The following ASL variants were observed in gnomAD, a reference collection of about 807,000 sequenced individuals.
ASL encodes argininosuccinate lyase, also known as argininosuccinase.
ASL carries 51 observed loss-of-function variants against 69.1 expected under a neutral mutation model. That is an observed-to-expected ratio of 0.74 (90% CI 0.59 to 0.93). ASL has a LOEUF of 0.93. ASL is among the 40% of genes least tolerant of loss of function. The pLI is 0.00. For synonymous variants in ASL, 241 were observed against 247.6 expected (o/e 0.97, Z 0.25); for missense variants, 540 against 623.9 (o/e 0.87, Z 1.43).
At position 66,091,945 on chromosome 7, in the gene ASL, G is replaced by A. The variant is rs1048426183; in HGVS notation, c.1063-61G>A. 7.0e-6 allele frequency: 11 copies of A among 1,579,996 alleles called. 1 individual carries two copies. Among genetic ancestry groups the A allele is most frequent in the Non-Finnish European group, 9.5e-6 (11 of 1,153,094 alleles). On this transcript the variant is annotated intron_variant, in intron 14 of 16. Coordinates refer to ENST00000304874, the MANE Select transcript of ASL (RefSeq NM_000048.4). ...GTCCTGGCAGAGGGGCAGGTCCTGG[G>A]CCTGGCAGCTTCAGATCCCAGGGTC...
intron 10 of ASL, 48 bp from the exon 11 acceptor site, chr7:66,088,759 C>A: frequency 1.3e-6 from 2 of 1,522,034 alleles, no homozygotes; most frequent in Non-Finnish European, 1.8e-6. Context: ...TATGGTCAGG[C>A]TGGGTGGGGA....
Position 66,081,916 on chromosome 7 carries a change from C to A in ASL, c.126C>A (p.Ser42Arg). 1 of 1,613,958 alleles carries A rather than the reference C, an allele frequency of 6.2e-7. No individual in the cohort carries two copies. The highest frequency in any genetic ancestry group is 8.5e-7 in the Non-Finnish European group (1 of 1,179,988). Residue 42 changes from serine (S) to arginine (R), a missense_variant, in exon 3 of 17, where the codon AGC becomes AGA. Transcript: ENST00000304874. ...RHLWEVDVQGSKAYSRGLEKA... is the reference protein window; with the variant it reads ...RHLWEVDVQGRKAYSRGLEKA... The stretch of plus-strand genomic sequence containing the variant: ...TTTGGGAGGTGGATGTTCAAGGCAG[C>A]AAAGCCTACAGCAGGGGCCTGGAGA...
At chr7:66,087,243 C>CAT in intron 8 of ASL, 91 bp from the exon 9 acceptor site, 2 of 975,796 alleles carry the variant, frequency 2.0e-6, no homozygotes, top group Middle Eastern at 2.2e-4. Context: ...TGTGTGCGTT[C>CAT]GTGTGTGTGT....
chr7:66,088,151 G>A (rs1487184028), intron 10 of ASL, among the ~76,000 whole-genome samples: 2 of 152,032 alleles, frequency 1.3e-5, no homozygotes, highest in Non-Finnish European at 1.5e-5. Flanking sequence ...GGCAACAAGA[G>A]CGAAACTCCA....
At position 66,079,034 on chromosome 7, in the gene ASL, C is replaced by T. The variant is rs1244144961; in HGVS notation, c.13-2769C>T. The stretch of plus-strand genomic sequence containing the variant: ...ACGCCATTCTCCTGCCTCAGCCTCC[C>T]AAGTAGCTGGGACTACAGGCGCCCA... On this transcript the variant is annotated intron_variant, in intron 2 of 16. Transcript: ENST00000304874. Among the ~76,000 whole-genome samples, 3 of 152,096 alleles carry T rather than the reference C, an allele frequency of 2.0e-5. No homozygotes were observed. The East Asian group carries it at 5.8e-4, about 29-fold the overall frequency.
At chr7:66,076,151 G>T in intron 2 of ASL, 58 bp downstream of exon 2, 1 of 1,563,266 alleles carries the variant, frequency 6.4e-7, no homozygotes, top group Non-Finnish European at 8.7e-7. Flanking sequence ...GAGTGGGGGC[G>T]CCAGACCTGC....
In ASL at chr7:66,092,766, A is replaced by C; in HGVS notation, c.1251-2A>C. 6.2e-7 allele frequency: 1 copy of C among 1,613,046 alleles called. No individual in the cohort carries two copies. The highest frequency in any genetic ancestry group is 1.3e-5 in the African/African-American group (1 of 74,726). On this transcript the variant is annotated splice_acceptor_variant, in intron 16 of 16. Transcript: ENST00000304874. LOFTEE classifies it high-confidence loss of function. ...CTGGCCCACCTCTTCCTCTCTCCCC[A>C]GCCCCCTGTTCTCGGGCGACGTGAT...
In ASL at chr7:66,086,612, C is replaced by T. The variant is rs1361999742; in HGVS notation, c.474C>T (p.Tyr158=). The T allele has an allele frequency of 2.5e-6, 4 of 1,613,960 alleles. No homozygotes were observed. In the Admixed American group the frequency reaches 5.0e-5, roughly 20 times the overall value. The change falls in exon 7 of 17, where the codon TAC becomes TAT. Residue 158 remains tyrosine (Y), a synonymous_variant. Transcript: ENST00000304874. ...EAERDVLFPG[Y]THLQRAQPIR... ...AACGTGATGTTCTCTTCCCGGGGTA[C>T]ACCCATTTGCAGAGGGCCCAGCCCA...
At chr7:66,082,728 C>A (rs1786544047) in intron 4 of ASL, 152 bp from the exon 5 acceptor site, 3 of 944,602 alleles carry the variant, frequency 3.2e-6, no homozygotes, top group Admixed American at 2.4e-5. Flanking sequence ...AAAAAAAGAA[C>A]AGGCCTCAGC....
Position 66,093,054 on chromosome 7 carries a change from G to A in ASL, c.*142G>A. On this transcript the variant is annotated 3_prime_UTR_variant, in exon 17 of 17. Transcript: ENST00000304874. ...AGGGACTGGAGAGGCAGGGCAGGGT[G>A]GCCTGTAATCCCAGCACTTTGGAAG... is the stretch of plus-strand genomic sequence containing the variant. 1.4e-6 allele frequency: 2 copies of A among 1,393,986 alleles called. No individual in the cohort carries two copies. The highest frequency in any genetic ancestry group is 2.0e-6 in the Non-Finnish European group (2 of 1,024,836). The allele number at this position is 1,393,986 out of a possible 1,614,324, so 86.4% of individuals were successfully genotyped here.
chr7:66,092,737 C>T (rs765323012), intron 16 of ASL, 31 bp from the exon 17 acceptor site: 8 of 1,613,400 alleles, frequency 5.0e-6, no homozygotes, highest in Middle Eastern at 1.7e-4. Context: ...GGTGGCCTGG[C>T]GCCCTGGCCC....
rs888775571 is a variant in ASL at position 66,082,240 on chromosome 7, G to A, written c.208-128G>A. The A allele has an allele frequency of 1.1e-5, 12 of 1,122,486 alleles. No individual in the cohort carries two copies. In the African/African-American group the frequency reaches 1.9e-4, roughly 17 times the overall value. The allele number at this position is 1,122,486 out of a possible 1,614,324, so 69.5% of individuals were successfully genotyped here. A position where few individuals can be genotyped will look rare whatever the true frequency, so the allele number is the denominator to read the frequency against. On this transcript the variant is annotated intron_variant, in intron 3 of 16. Transcript: ENST00000304874. ...GGCCTGAGATGCCCCCTCCCAGGGT[G>A]CGCTTCCAGGACTCAGCTCCTGGGC...
chr7:66,087,198 G>T (rs958945846), intron 8 of ASL, 136 bp from the exon 9 acceptor site: 5 of 1,015,370 alleles, frequency 4.9e-6, no homozygotes, highest in Non-Finnish European at 7.6e-6. Context: ...CTAAGCGCCA[G>T]GTGGTTGCCC....
At position 66,087,364 on chromosome 7, in the gene ASL, G is replaced by T. The variant is rs1326733063; in HGVS notation, c.633G>T (p.Val211=). 3 of 1,606,422 alleles carry T rather than the reference G, an allele frequency of 1.9e-6. No individual in the cohort carries two copies. Among genetic ancestry groups the T allele is most frequent in the Non-Finnish European group, 2.5e-6 (3 of 1,179,900 alleles). ...SGAIAGNPLG[V]DRELLRAELN... Reference sequence around the variant, plus strand: ...CCATTGCAGGCAATCCCCTGGGTGTGGACCGAGAGCTGCTCCGAGCAGGTG... The same window carrying T: ...CCATTGCAGGCAATCCCCTGGGTGTTGACCGAGAGCTGCTCCGAGCAGGTG... The change falls in exon 9 of 17, where the codon GTG becomes GTT. Residue 211 remains valine, a synonymous_variant. Coordinates refer to ENST00000304874, the MANE Select transcript of ASL (RefSeq NM_000048.4).
At chr7:66,075,981 G>C in intron 1 of ASL, 58 bp from the exon 2 acceptor site, 1 of 1,512,220 alleles carries the variant, frequency 6.6e-7, no homozygotes, top group Non-Finnish European at 9.0e-7. Context: ...CTCGGAGCCA[G>C]CCCGGCCCGG....
At chr7:66,082,039 G>A (rs1488044089) in intron 3 of ASL, 42 bp downstream of exon 3, 2 of 1,563,994 alleles carry the variant, frequency 1.3e-6, no homozygotes. Flanking sequence ...CCCCTTCCCT[G>A]TGGCCCCAGG....
At position 66,087,090 on chromosome 7, in the gene ASL, G is replaced by A. The variant is rs79751392; in HGVS notation, c.603-244G>A. The A allele has an allele frequency of 0.017, 11,202 of 645,632 alleles. 393 individuals carry two copies. Among genetic ancestry groups the A allele is most frequent in the East Asian group, 0.11 (3,934 of 36,692 alleles). The allele number at this position is 645,632 out of a possible 1,614,324, so 40.0% of individuals were successfully genotyped here. A position where few individuals can be genotyped will look rare whatever the true frequency, so the allele number is the denominator to read the frequency against. On this transcript the variant is annotated intron_variant, in intron 8 of 16. Transcript: ENST00000304874. Reference sequence around the variant, plus strand: ...TGGGAACATGTGTCAGGAGACAAGTGTCCTGCACCCAGGGTGACTTAGTGC... The same window carrying A: ...TGGGAACATGTGTCAGGAGACAAGTATCCTGCACCCAGGGTGACTTAGTGC...
At chr7:66,081,450 C>T (rs1040577234) in intron 2 of ASL, among the ~76,000 whole-genome samples, 1 of 151,968 alleles carries the variant, frequency 6.6e-6, no homozygotes, top group Middle Eastern at 3.2e-3. Context: ...TGTGGTGGCA[C>T]GTGCCTGTAA....
At chr7:66,082,282 C>T (rs1243839170) in intron 3 of ASL, 86 bp from the exon 4 acceptor site, 1 of 1,384,538 alleles carries the variant, frequency 7.2e-7, no homozygotes, top group Non-Finnish European at 1.0e-6. Flanking sequence ...AGTCAGTCAC[C>T]AGGGATAGGG....
Sources: allele counts gnomAD v4.1 joint callset (sites outside exome capture counted in the v4.1 genomes callset), GRCh38; gene constraint gnomAD v4.1.1; transcripts MANE v1.5; gene names NCBI Gene and HGNC (gene_info 2026-07-23, HGNC 2026-07-21).